Variants in KIF1B observed in about 807,000 individuals in gnomAD.
KIF1B encodes the protein kinesin family member 1B.
A neutral mutation model predicts 241.9 loss-of-function variants in KIF1B; 76 were observed. That is an observed-to-expected ratio of 0.31 (90% CI 0.26 to 0.38). KIF1B has a LOEUF of 0.38. Ranked by LOEUF, KIF1B falls within the 10% of genes least tolerant of loss-of-function variation. The pLI, the probability that KIF1B is intolerant of heterozygous loss-of-function variation, is 1.00. For synonymous variants in KIF1B, 750 were observed against 796.7 expected (o/e 0.94, Z 0.99); for missense variants, 1,622 against 2,271.4 (o/e 0.71, Z 5.81).
intron 1 of KIF1B, among the ~76,000 whole-genome samples, chr1:10,231,978 G>A (rs1453774927): frequency 6.6e-6 from 1 of 152,046 alleles, no homozygotes; most frequent in Non-Finnish European, 1.5e-5. Flanking sequence ...GGGGAGGCCA[G>A]GCACAGTGGT....
In KIF1B at chr1:10,378,647, C is replaced by T; in HGVS notation, c.*2060C>T. On this transcript the variant is annotated 3_prime_UTR_variant, in exon 49 of 49. Coordinates refer to ENST00000676179, the MANE Select transcript of KIF1B (RefSeq NM_001365951.3). ...CGCTTCACGCAGCAAAGGCCAGGGG[C>T]TTGCGCGCCTCTGCAGAGTTGTTGC... The T allele has an allele frequency of 1.8e-6, 1 of 553,076 alleles. No individual in the cohort carries two copies. Among genetic ancestry groups the T allele is most frequent in the Non-Finnish European group, 3.2e-6 (1 of 308,506 alleles). The allele number at this position is 553,076 out of a possible 1,614,324, so 34.3% of individuals were successfully genotyped here.
chr1:10,372,181 A>G (rs1320363334), intron 45 of KIF1B, among the ~76,000 whole-genome samples: 1 of 152,152 alleles, frequency 6.6e-6, no homozygotes, highest in Non-Finnish European at 1.5e-5. Flanking sequence ...CACTAAGAGA[A>G]GAAGAAAAAG....
At chr1:10,265,199 A>ATTTT (rs1326042818) in intron 5 of KIF1B, among the ~76,000 whole-genome samples, 37 of 138,614 alleles carry the variant, frequency 2.7e-4, no homozygotes, top group South Asian at 6.8e-4. Flanking sequence ...TTTAAAATGG[A>ATTTT]TTTTATTTAT....
intron 9 of KIF1B, 143 bp from the exon 10 acceptor site, chr1:10,272,871 T>TA: frequency 1.6e-6 from 1 of 631,522 alleles, no homozygotes; most frequent in South Asian, 2.5e-5. Flanking sequence ...AACCTCTTTT[T>TA]AATTGCTAAG....
chr1:10,227,067 C>T (rs1383415685), intron 1 of KIF1B, among the ~76,000 whole-genome samples: 1 of 133,354 alleles, frequency 7.5e-6, no homozygotes, highest in East Asian at 2.3e-4. Flanking sequence ...GATGAAGTCT[C>T]GCTCTCTTAC....
chr1:10,334,399 G>T, intron 27 of KIF1B, 121 bp from the exon 28 acceptor site: 1 of 806,306 alleles, frequency 1.2e-6, no homozygotes, highest in South Asian at 1.3e-5. Context: ...GACTGAGAAG[G>T]GGTCTTAAGA....
In KIF1B at chr1:10,237,632, G is replaced by T. The variant is rs576871664; in HGVS notation, c.106+5198G>T. On this transcript the variant is annotated intron_variant, in intron 2 of 48. Coordinates refer to ENST00000676179, the MANE Select transcript of KIF1B (RefSeq NM_001365951.3). Reference sequence around the variant, plus strand: ...ATTACTCATATTATATGTCTTATAGGCTTTTTCATTCACGCATACATTTCT... The same window carrying T: ...ATTACTCATATTATATGTCTTATAGTCTTTTTCATTCACGCATACATTTCT... 6.0e-4 allele frequency among the ~76,000 whole-genome samples: 91 copies of T among 152,048 alleles called. 1 individual carries two copies. The South Asian group carries it at 7.3e-3, about 12-fold the overall frequency.
rs573473639 is a variant in KIF1B at position 10,379,457 on chromosome 1, G to A, written c.*2870G>A. ...GACAGCCTTTGCTGGTCCCCAGCAC[G>A]TCCAGGGTGGGTGCTCCCTTGCCCG... On this transcript the variant is annotated 3_prime_UTR_variant, in exon 49 of 49. Coordinates refer to ENST00000676179, the MANE Select transcript of KIF1B (RefSeq NM_001365951.3). The A allele has an allele frequency of 7.8e-5, 18 of 231,750 alleles. No homozygotes were observed. The highest frequency in any genetic ancestry group is 1.3e-3 in the Middle Eastern group (1 of 774). 14.4% of individuals were successfully genotyped at this position (231,750 alleles called of 1,614,324 possible).
At chr1:10,329,810 CTT>C (rs1256216020) in intron 27 of KIF1B, among the ~76,000 whole-genome samples, 1 of 152,114 alleles carries the variant, frequency 6.6e-6, no homozygotes, top group Non-Finnish European at 1.5e-5. Flanking sequence ...TCTGCTAAAA[CTT>C]TATATTGCAA....
intron 40 of KIF1B, among the ~76,000 whole-genome samples, chr1:10,362,035 C>T (rs1458065685): frequency 6.6e-6 from 1 of 152,172 alleles, no homozygotes; most frequent in Non-Finnish European, 1.5e-5. Context: ...AGGAATATTA[C>T]ATTGTGAACA....
At chr1:10,295,791 A>T (rs754943522) in intron 19 of KIF1B, 25 bp downstream of exon 19, 21 of 1,551,330 alleles carry the variant, frequency 1.4e-5, no homozygotes, top group Admixed American at 6.7e-5. Context: ...CTGGAGCTTC[A>T]GCAACAACAT....
At position 10,296,649 on chromosome 1, in the gene KIF1B, T is replaced by A; in HGVS notation, c.1845T>A (p.Pro615=). 6.2e-7 allele frequency: 1 copy of A among 1,613,994 alleles called. No homozygotes were observed. The highest frequency in any genetic ancestry group is 1.3e-5 in the African/African-American group (1 of 75,042). The stretch of plus-strand genomic sequence containing the variant: ...TAAATGGCAAGAGGGTGTCCCAGCC[T>A]GTTCAGCTGCGCTCAGGTGAGACTG... ...TYVNGKRVSQ[P]VQLRSGNRII... Residue 615 remains proline (P), a synonymous_variant, in exon 20 of 49, where the codon CCT becomes CCA. Coordinates refer to ENST00000676179, the MANE Select transcript of KIF1B (RefSeq NM_001365951.3).
chr1:10,227,269 G>A (rs1389061736), intron 1 of KIF1B, among the ~76,000 whole-genome samples: 5 of 151,918 alleles, frequency 3.3e-5, no homozygotes, highest in South Asian at 4.2e-4. Context: ...TCTTGACCTC[G>A]TGATCTACCC....
chr1:10,219,362 A>T (rs976541330), intron 1 of KIF1B, among the ~76,000 whole-genome samples: 1 of 152,108 alleles, frequency 6.6e-6, no homozygotes, highest in African/African-American at 2.4e-5. Context: ...TGGGAGACTG[A>T]GGCAAGAGAA....
chr1:10,336,141 A>G (rs1652164793), intron 28 of KIF1B, among the ~76,000 whole-genome samples: 3 of 152,192 alleles, frequency 2.0e-5, no homozygotes, highest in Admixed American at 6.5e-5. Flanking sequence ...GAACAATCTC[A>G]AGAATAAAAC....
chr1:10,263,281 T>A (rs12408430), intron 5 of KIF1B, among the ~76,000 whole-genome samples: 37,453 of 129,952 alleles, frequency 0.29, 4,974 homozygotes, highest in Middle Eastern at 0.36. Context: ...AAAAAAAAAA[T>A]AATAATAATA....
At chr1:10,311,215 CT>C (rs201700385) in intron 22 of KIF1B, among the ~76,000 whole-genome samples, 7,744 of 136,776 alleles carry the variant, frequency 0.057, 201 homozygotes, top group Middle Eastern at 0.12. Context: ...ACCTCCCATT[CT>C]TTTTTTTTTT....
Position 10,374,226 on chromosome 1 carries a change from G to T in KIF1B, c.4947-90G>T, listed in dbSNP as rs1461818601. On this transcript the variant is annotated intron_variant, in intron 45 of 48. Coordinates refer to ENST00000676179, the MANE Select transcript of KIF1B (RefSeq NM_001365951.3). The surrounding 1 kb of genome is among the most constrained non-coding windows in gnomAD (Gnocchi z 4.3). ...CAGCTGGGGTTTAGGGAGGGCCATT[G>T]TGTTCCTCCCAGTGAAACAGTACTC... 1 of 1,356,180 alleles carries T rather than the reference G, an allele frequency of 7.4e-7. No homozygotes were observed. The highest frequency in any genetic ancestry group is 1.4e-5 in the African/African-American group (1 of 69,884). The allele number at this position is 1,356,180 out of a possible 1,614,324, so 84.0% of individuals were successfully genotyped here.
At chr1:10,345,606 A>G (rs1652559501) in intron 34 of KIF1B, 1 of 503,276 alleles carries the variant, frequency 2.0e-6, no homozygotes, top group African/African-American at 1.9e-5. Flanking sequence ...ATCATTAGAG[A>G]CAGTTTGTTG....
Sources: allele counts gnomAD v4.1 joint callset (sites outside exome capture counted in the v4.1 genomes callset), GRCh38; gene constraint gnomAD v4.1.1; non-coding constraint Gnocchi (gnomAD v3.1); transcripts MANE v1.5; gene names NCBI Gene and HGNC (gene_info 2026-07-23, HGNC 2026-07-21).